CUX2: variants seen among roughly 807,000 people sequenced by gnomAD.
The protein encoded by CUX2 is cut like homeobox 2, also known as homeobox protein cut-like 2.
CUX2 carries 40 observed loss-of-function variants against 144.8 expected under a neutral mutation model. The ratio of observed to expected loss-of-function variants is 0.28; its 90% CI spans 0.21 to 0.36. The LOEUF is 0.36. CUX2 is among the 10% of genes least tolerant of loss of function. The pLI, the probability that CUX2 is intolerant of heterozygous loss-of-function variation, is 1.00. For missense variants in CUX2, 1,615 were observed against 1,994.0 expected (o/e 0.81, Z 3.62); for synonymous variants, 827 against 875.6 (o/e 0.94, Z 0.98).
chr12:111,308,578 G>A (rs574316012), intron 14 of CUX2, 52 bp downstream of exon 14: 1 of 1,492,280 alleles, frequency 6.7e-7, no homozygotes, highest in African/African-American at 1.4e-5. Context: ...GGCTGCCTGT[G>A]GGTCTCTGGC....
At chr12:111,204,429 G>A (rs1193974458) in intron 1 of CUX2, among the ~76,000 whole-genome samples, 1 of 152,196 alleles carries the variant, frequency 6.6e-6, no homozygotes, top group Non-Finnish European at 1.5e-5. Context: ...AGTAGTTATT[G>A]AGTGGATAGA....
chr12:111,107,108 A>G (rs913522403), intron 1 of CUX2, among the ~76,000 whole-genome samples: 1 of 152,186 alleles, frequency 6.6e-6, no homozygotes, highest in Non-Finnish European at 1.5e-5. Context: ...TTAAATCCAC[A>G]CTTCTGTCCC....
chr12:111,343,985 G>A (rs1449512536), intron 21 of CUX2, among the ~76,000 whole-genome samples: 1 of 151,202 alleles, frequency 6.6e-6, no homozygotes, highest in African/African-American at 2.4e-5. Context: ...CCCAGGAGGT[G>A]GAGGTTGCTT....
chr12:111,050,709 C>T lies in CUX2; in HGVS notation c.63+16469C>T, dbSNP rs1043398080. 1.3e-4 allele frequency among the ~76,000 whole-genome samples: 20 copies of T among 152,172 alleles called. 1 individual carries two copies. On this transcript the variant is annotated intron_variant, in intron 1 of 21. Coordinates refer to ENST00000261726, the MANE Select transcript of CUX2 (RefSeq NM_015267.4). ...CATCTCCACCATCGTCACTTGGACC[C>T]ATGCCCCCATTGCCTCTCCCGCTGG... is the stretch of plus-strand genomic sequence containing the variant.
intron 1 of CUX2, among the ~76,000 whole-genome samples, chr12:111,109,058 G>T (rs1873782264): frequency 6.6e-6 from 1 of 152,178 alleles, no homozygotes; most frequent in Non-Finnish European, 1.5e-5. Context: ...CTGTCAGCCG[G>T]TCCATCCATT....
In CUX2 at chr12:111,035,731, C is replaced by T. The variant is rs1869411785; in HGVS notation, c.63+1491C>T. Among the ~76,000 whole-genome samples, 1 of 152,010 alleles carries T rather than the reference C, an allele frequency of 6.6e-6. No individual in the cohort carries two copies. Among genetic ancestry groups the T allele is most frequent in the African/African-American group, 2.4e-5 (1 of 41,352 alleles). ...TTCCCAGTCCCCGTCCTTCCGAACGCCCCACTCCTCGCTCTCCCCCTCCCC... is the reference window on the plus strand; with the variant it reads ...TTCCCAGTCCCCGTCCTTCCGAACGTCCCACTCCTCGCTCTCCCCCTCCCC... On this transcript the variant is annotated intron_variant, in intron 1 of 21. Transcript: ENST00000261726. This position sits in a 1 kb window ranked among gnomAD's most constrained non-coding sequence, Gnocchi z 6.0.
chr12:111,265,557 G>T (rs1884344146), intron 4 of CUX2, among the ~76,000 whole-genome samples: 1 of 151,820 alleles, frequency 6.6e-6, no homozygotes. Context: ...TGGCCAGCCT[G>T]GTCTCAAACT....
At chr12:111,285,381 G>A (rs1301910950) in intron 4 of CUX2, among the ~76,000 whole-genome samples, 1 of 152,218 alleles carries the variant, frequency 6.6e-6, no homozygotes, top group Non-Finnish European at 1.5e-5. Context: ...GCCAGGGGAA[G>A]GCGGGGCATC....
chr12:111,258,637 A>G (rs1883956544), intron 3 of CUX2, among the ~76,000 whole-genome samples: 1 of 152,080 alleles, frequency 6.6e-6, no homozygotes, highest in African/African-American at 2.4e-5. Flanking sequence ...AAGTCCGTTG[A>G]CTTTGGGAAG....
chr12:111,331,114 G>C (rs369543038), intron 18 of CUX2, among the ~76,000 whole-genome samples: 14 of 151,704 alleles, frequency 9.2e-5, no homozygotes, highest in African/African-American at 2.9e-4. Flanking sequence ...CAGTTGGCAG[G>C]GACAAGGGAG....
At chr12:111,244,445 C>G (rs899055675) in intron 3 of CUX2, among the ~76,000 whole-genome samples, 2 of 152,238 alleles carry the variant, frequency 1.3e-5, no homozygotes, top group African/African-American at 4.8e-5. Context: ...GCACTGTGCT[C>G]ATGAGCTTGG....
chr12:111,205,550 C>T (rs1880870909), intron 1 of CUX2, among the ~76,000 whole-genome samples: 1 of 152,162 alleles, frequency 6.6e-6, no homozygotes, highest in South Asian at 2.1e-4. Flanking sequence ...CTGTATCACC[C>T]AGTCATGCAC....
At chr12:111,256,320 G>A (rs1321472938) in intron 3 of CUX2, among the ~76,000 whole-genome samples, 1 of 151,982 alleles carries the variant, frequency 6.6e-6, no homozygotes, top group Non-Finnish European at 1.5e-5. Flanking sequence ...GGCCATCAAG[G>A]GACACCCCTT....
At chr12:111,221,473 A>T (rs73197975) in intron 3 of CUX2, among the ~76,000 whole-genome samples, 13,643 of 152,142 alleles carry the variant, frequency 0.09, 666 homozygotes, top group Middle Eastern at 0.14. Flanking sequence ...CTGGGCTGGC[A>T]CTGCGATTCC....
chr12:111,055,322 C>T (rs1255564262), intron 1 of CUX2, among the ~76,000 whole-genome samples: 1 of 152,220 alleles, frequency 6.6e-6, no homozygotes, highest in Non-Finnish European at 1.5e-5. Context: ...TAGCAGCATA[C>T]ACTGGGGGAC....
chr12:111,037,092 C>T lies in CUX2; in HGVS notation c.63+2852C>T, dbSNP rs983697141. Among the ~76,000 whole-genome samples the T allele has an allele frequency of 3.3e-5, 5 of 152,296 alleles. No homozygotes were observed. The highest frequency in any genetic ancestry group is 2.1e-4 in the South Asian group (1 of 4,826). ...GATAGCCAGAAAGGAGAACTTCTGC[C>T]GGCTTTTTCTGAGATCCAGGTAGGA... is the stretch of plus-strand genomic sequence containing the variant. On this transcript the variant is annotated intron_variant, in intron 1 of 21. Coordinates refer to ENST00000261726, the MANE Select transcript of CUX2 (RefSeq NM_015267.4). The surrounding 1 kb of genome is among the most constrained non-coding windows in gnomAD (Gnocchi z 5.4).
In CUX2 at chr12:111,347,986, C is replaced by T. The variant is rs1592995625; in HGVS notation, c.4122C>T (p.His1374=). ...QQESEAGERL[H]PDPLSFKSAS... Reference sequence around the variant, plus strand: ...AGAGTGAGGCCGGGGAGCGACTTCACCCGGACCCTTTAAGTTTTAAGTCAG... The same window carrying T: ...AGAGTGAGGCCGGGGAGCGACTTCATCCGGACCCTTTAAGTTTTAAGTCAG... Residue 1374 remains histidine, a synonymous_variant, in exon 22 of 22, where the codon CAC becomes CAT. Transcript: ENST00000261726. The T allele has an allele frequency of 1.9e-6, 3 of 1,614,138 alleles. No individual in the cohort carries two copies. The highest frequency in any genetic ancestry group is 2.5e-6 in the Non-Finnish European group (3 of 1,180,018).
rs1363484596 is a variant in CUX2, at chr12:111,322,189, C to G, written c.2767-232C>G. ...AAAAATTAGCCAGACGTGCACCAGC[C>G]TGGTACAAGTCCCAACTACTAAGGA... is the stretch of plus-strand genomic sequence containing the variant. On this transcript the variant is annotated intron_variant, in intron 17 of 21. Transcript: ENST00000261726. This position sits in a 1 kb window ranked among gnomAD's most constrained non-coding sequence, Gnocchi z 4.2. Among the ~76,000 whole-genome samples the G allele has an allele frequency of 6.6e-6, 1 of 151,930 alleles. No individual in the cohort carries two copies. Among genetic ancestry groups the G allele is most frequent in the Non-Finnish European group, 1.5e-5 (1 of 67,972 alleles).
chr12:111,203,104 C>T (rs1326529199), intron 1 of CUX2, among the ~76,000 whole-genome samples: 7 of 152,070 alleles, frequency 4.6e-5, no homozygotes, highest in Non-Finnish European at 1.0e-4. Flanking sequence ...TGGTGGCACA[C>T]GCCTGTAATC....
Sources: gnomAD v4.1 joint callset for allele counts (sites outside exome capture counted in the v4.1 genomes callset) on GRCh38, gnomAD v4.1.1 for gene constraint, Gnocchi (gnomAD v3.1) non-coding constraint, MANE v1.5 for transcripts, NCBI Gene and HGNC (gene_info 2026-07-23, HGNC 2026-07-21) for gene names.